Variants in TMTC2 observed in about 807,000 individuals in gnomAD.
TMTC2 encodes transmembrane O-mannosyltransferase targeting cadherins 2, also known as protein O-mannosyl-transferase TMTC2.
In TMTC2, 43 loss-of-function variants were observed where a neutral mutation model predicts 82.4. The observed-to-expected ratio is 0.52, with a 90% CI of 0.41 to 0.67. TMTC2 has a LOEUF of 0.67. Among genes scored for constraint, TMTC2 ranks in the 30% least tolerant of loss-of-function variants. The pLI is 0.00. For synonymous variants in TMTC2, 408 were observed against 381.9 expected, an observed-to-expected ratio of 1.07 and a Z score of -0.80; for missense variants, 919 against 1,012.4, an observed-to-expected ratio of 0.91 and a Z score of 1.25.
rs182228651 is a variant in TMTC2 at position 83,034,047 on chromosome 12, A to C, written c.2152+3168A>C. On this transcript the variant is annotated intron_variant, in intron 9 of 11. Coordinates refer to ENST00000321196, the MANE Select transcript of TMTC2 (RefSeq NM_152588.3). ...GTGCACAGTTTTAGAACTCAAATTCATGTCATGACTTAGCTTAAAGTTCAT... is the reference window on the plus strand; with the variant it reads ...GTGCACAGTTTTAGAACTCAAATTCCTGTCATGACTTAGCTTAAAGTTCAT... Among the ~76,000 whole-genome samples, 414 of 151,822 alleles carry C rather than the reference A, an allele frequency of 2.7e-3. 1 individual carries two copies. The highest frequency in any genetic ancestry group is 0.01 in the Middle Eastern group (3 of 294).
At chr12:82,753,712 A>G (rs1876144122) in intron 1 of TMTC2, among the ~76,000 whole-genome samples, 1 of 152,236 alleles carries the variant, frequency 6.6e-6, no homozygotes, top group Admixed American at 6.5e-5. Flanking sequence ...GCACAGTTAA[A>G]TTCTCTGGGA....
At chr12:83,071,704 G>A (rs1186043502) in intron 11 of TMTC2, among the ~76,000 whole-genome samples, 1 of 151,996 alleles carries the variant, frequency 6.6e-6, no homozygotes. Context: ...TCTGTTTAGG[G>A]TATCTAATTC....
chr12:82,965,506 T>G, intron 5 of TMTC2, 54 bp from the exon 6 acceptor site: 1 of 1,576,092 alleles, frequency 6.3e-7, no homozygotes, highest in Middle Eastern at 1.7e-4. Flanking sequence ...AAACTTTATT[T>G]TATTCAAGTG....
chr12:82,729,964 G>A (rs1230928429), intron 1 of TMTC2, among the ~76,000 whole-genome samples: 2 of 152,092 alleles, frequency 1.3e-5, no homozygotes, highest in Non-Finnish European at 2.9e-5. Flanking sequence ...AACACTTATC[G>A]GGAAGGTCTG....
intron 1 of TMTC2, among the ~76,000 whole-genome samples, chr12:82,715,148 G>A (rs1233055543): frequency 6.6e-6 from 1 of 151,944 alleles, no homozygotes; most frequent in African/African-American, 2.4e-5. Flanking sequence ...GCGGGTGCCT[G>A]TAATCCCAGC....
intron 2 of TMTC2, among the ~76,000 whole-genome samples, chr12:82,867,060 C>G (rs945099568): frequency 6.6e-6 from 1 of 152,148 alleles, no homozygotes; most frequent in Non-Finnish European, 1.5e-5. Flanking sequence ...ATAGCATCTT[C>G]GAAGTCAGTG....
intron 11 of TMTC2, among the ~76,000 whole-genome samples, chr12:83,063,406 T>C (rs988899109): frequency 3.3e-5 from 5 of 151,834 alleles, no homozygotes; most frequent in African/African-American, 1.2e-4. Context: ...TGATAGGCAG[T>C]TTGCAACAGA....
Position 83,067,496 on chromosome 12 carries a change from G to T in TMTC2, c.2331+5665G>T, listed in dbSNP as rs1217347100. On this transcript the variant is annotated intron_variant, in intron 11 of 11. Coordinates refer to ENST00000321196, the MANE Select transcript of TMTC2 (RefSeq NM_152588.3). ...ATATTTAAGGGTTGCTTCCTCCCCA[G>T]TGACTGAAGAAGAAAAAGGAGACTG... is the stretch of plus-strand genomic sequence containing the variant. 2.0e-5 allele frequency among the ~76,000 whole-genome samples: 3 copies of T among 151,926 alleles called. No individual in the cohort carries two copies. In the South Asian group the frequency reaches 6.2e-4, roughly 31 times the overall value.
intron 1 of TMTC2, among the ~76,000 whole-genome samples, chr12:82,732,585 C>T (rs979414348): frequency 3.3e-5 from 5 of 152,092 alleles, no homozygotes; most frequent in African/African-American, 7.2e-5. Flanking sequence ...CCTTGTGATC[C>T]GTCTGCCTCG....
At chr12:82,909,588 C>T (rs940790825) in intron 3 of TMTC2, among the ~76,000 whole-genome samples, 9 of 152,156 alleles carry the variant, frequency 5.9e-5, no homozygotes, top group Admixed American at 6.5e-5. Context: ...GATCCACCCG[C>T]CTCAGCCTCC....
At chr12:83,128,696 A>T (rs1885170589) in intron 11 of TMTC2, among the ~76,000 whole-genome samples, 1 of 152,136 alleles carries the variant, frequency 6.6e-6, no homozygotes, top group Non-Finnish European at 1.5e-5. Context: ...GAAATTCTGC[A>T]TTTCTGTCAA....
At chr12:82,768,595 G>A (rs1877111507) in intron 1 of TMTC2, among the ~76,000 whole-genome samples, 1 of 152,012 alleles carries the variant, frequency 6.6e-6, no homozygotes, top group African/African-American at 2.4e-5. Flanking sequence ...CTGGCAGTGA[G>A]TCTGGTTTTT....
At chr12:83,103,390 T>C (rs1884289784) in intron 11 of TMTC2, among the ~76,000 whole-genome samples, 1 of 152,210 alleles carries the variant, frequency 6.6e-6, no homozygotes, top group South Asian at 2.1e-4. Context: ...CTCATAGTTC[T>C]ATAGGCTGTA....
chr12:83,052,112 A>G (rs1882370992), intron 10 of TMTC2, among the ~76,000 whole-genome samples: 1 of 152,000 alleles, frequency 6.6e-6, no homozygotes. Flanking sequence ...GCTTCCAGGG[A>G]TAGATTTATA....
chr12:83,039,186 G>A (rs1881795667), intron 9 of TMTC2, among the ~76,000 whole-genome samples: 1 of 152,020 alleles, frequency 6.6e-6, no homozygotes, highest in Non-Finnish European at 1.5e-5. Context: ...ACCTGCCTTG[G>A]CCTCCCAAAG....
intron 10 of TMTC2, among the ~76,000 whole-genome samples, chr12:83,059,070 C>T (rs149357843): frequency 1.8e-4 from 28 of 151,748 alleles, no homozygotes; most frequent in African/African-American, 6.8e-4. Context: ...AGAAGGGATA[C>T]GAGTATGCAG....
chr12:82,838,179 G>T (rs1047213113), intron 1 of TMTC2, among the ~76,000 whole-genome samples: 1 of 152,144 alleles, frequency 6.6e-6, no homozygotes, highest in African/African-American at 2.4e-5. Context: ...AAGGCAGGCT[G>T]GTGCAACCAG....
intron 1 of TMTC2, among the ~76,000 whole-genome samples, chr12:82,731,945 T>A (rs1478708401): frequency 6.6e-6 from 1 of 152,220 alleles, no homozygotes; most frequent in Non-Finnish European, 1.5e-5. Flanking sequence ...CTTTTCTTTC[T>A]CCTTGCTTGT....
intron 2 of TMTC2, among the ~76,000 whole-genome samples, chr12:82,875,676 GC>G (rs1425102847): frequency 6.6e-6 from 1 of 152,106 alleles, no homozygotes; most frequent in East Asian, 1.9e-4. Flanking sequence ...CATAAAGGAA[GC>G]CCAAGTAAGC....
Sources: allele counts gnomAD v4.1 joint callset (sites outside exome capture counted in the v4.1 genomes callset), GRCh38; gene constraint gnomAD v4.1.1; transcripts MANE v1.5; gene names NCBI Gene and HGNC (gene_info 2026-07-23, HGNC 2026-07-21).